PTPRD: variants seen among roughly 807,000 people sequenced by gnomAD.
The protein encoded by PTPRD is receptor-type tyrosine-protein phosphatase delta.
Under a neutral mutation model 214.5 loss-of-function variants are expected in PTPRD, and 34 were observed. The observed-to-expected ratio is 0.16, with a 90% CI of 0.12 to 0.21. PTPRD has a LOEUF of 0.21. Among genes scored for constraint, PTPRD ranks in the 10% least tolerant of loss-of-function variants. PTPRD has a pLI of 1.00. For missense variants in PTPRD, 2,545 were observed against 2,398.7 expected (o/e 1.06, Z -1.27); for synonymous variants, 1,128 against 845.7 (o/e 1.33, Z -5.79).
At chr9:10,093,423 C>A (rs1039452857) in intron 3 of PTPRD, among the ~76,000 whole-genome samples, 2 of 151,302 alleles carry the variant, frequency 1.3e-5, no homozygotes, top group African/African-American at 2.4e-5. Flanking sequence ...GTCAGAATGG[C>A]GATTCCTAAA....
chr9:9,825,382 CAGAGAGAGAGAGACAGAGAGAGAAAG>C (rs1361453569), intron 5 of PTPRD, among the ~76,000 whole-genome samples: 2 of 142,962 alleles, frequency 1.4e-5, no homozygotes, highest in South Asian at 2.3e-4. Flanking sequence ...CACAGAGAGA[CAGAGAGAGAGAGACAGAGAGAGAAAG>C]AGAGAGAGAA....
At chr9:8,750,442 G>C (rs1338972945) in intron 11 of PTPRD, among the ~76,000 whole-genome samples, 1 of 151,714 alleles carries the variant, frequency 6.6e-6, no homozygotes, top group Non-Finnish European at 1.5e-5. Context: ...ACAGGCATGA[G>C]CCACCATGCC....
chr9:9,665,712 T>A (rs1044295684), intron 7 of PTPRD, among the ~76,000 whole-genome samples: 1 of 151,824 alleles, frequency 6.6e-6, no homozygotes, highest in East Asian at 1.9e-4. Flanking sequence ...ATATCCTTTT[T>A]TCCTAGCCCA....
At chr9:9,761,921 C>T (rs2098660977) in intron 6 of PTPRD, among the ~76,000 whole-genome samples, 1 of 152,132 alleles carries the variant, frequency 6.6e-6, no homozygotes, top group Non-Finnish European at 1.5e-5. Flanking sequence ...ATATTCATTG[C>T]TTTGGGATAT....
intron 3 of PTPRD, among the ~76,000 whole-genome samples, chr9:10,338,997 A>C (rs964873744): frequency 1.3e-5 from 2 of 151,790 alleles, no homozygotes; most frequent in African/African-American, 2.4e-5. Flanking sequence ...CAACTGAGCA[A>C]GAACAAAGTA....
chr9:9,901,591 T>C (rs929819800), intron 5 of PTPRD, among the ~76,000 whole-genome samples: 2 of 152,010 alleles, frequency 1.3e-5, no homozygotes, highest in Non-Finnish European at 2.9e-5. Flanking sequence ...TTAAAATAAA[T>C]AAATTCTTAA....
intron 8 of PTPRD, among the ~76,000 whole-genome samples, chr9:9,550,501 G>A (rs930883420): frequency 2.0e-5 from 3 of 148,086 alleles, no homozygotes; most frequent in African/African-American, 4.9e-5. Flanking sequence ...GGTATGATAT[G>A]TAGGACAATA....
intron 2 of PTPRD, among the ~76,000 whole-genome samples, chr9:10,476,880 T>C (rs1021677617): frequency 1.3e-5 from 2 of 151,958 alleles, no homozygotes; most frequent in African/African-American, 2.4e-5. Flanking sequence ...CAACAAGCAA[T>C]AGGTAAAGAA....
intron 3 of PTPRD, among the ~76,000 whole-genome samples, chr9:10,078,605 T>C (rs1255111294): frequency 6.7e-6 from 1 of 149,626 alleles, no homozygotes; most frequent in Admixed American, 6.6e-5. Context: ...AATATCCCAA[T>C]CAGGGGGTGT....
Position 8,499,771 on chromosome 9 carries a change from C to T in PTPRD, c.2198G>A (p.Arg733His), listed in dbSNP as rs748340591. Residue 733 changes from arginine to histidine, a missense_variant, in exon 25 of 46, where the codon CGC (arginine) becomes CAC (histidine). Coordinates refer to ENST00000381196, the MANE Select transcript of PTPRD (RefSeq NM_002839.4). Reference protein sequence around the residue: ...VNSTSVKVSWRSPVPNKQHGQ... With the variant: ...VNSTSVKVSWHSPVPNKQHGQ... Reference sequence around the variant, plus strand: ...ATGCTGTTTATTGGGCACGGGTGAGCGCCATGAGACTTTAACAGATGTTGA... The same window carrying T: ...ATGCTGTTTATTGGGCACGGGTGAGTGCCATGAGACTTTAACAGATGTTGA... 4.3e-6 allele frequency: 7 copies of T among 1,613,984 alleles called. No individual in the cohort carries two copies. The highest frequency in any genetic ancestry group is 2.7e-5 in the African/African-American group (2 of 75,012).
intron 10 of PTPRD, among the ~76,000 whole-genome samples, chr9:9,043,619 C>G (rs1016905137): frequency 2.0e-5 from 3 of 152,002 alleles, no homozygotes; most frequent in South Asian, 2.1e-4. Context: ...AGTAGAAAAA[C>G]TAGGCTGGGC....
In PTPRD at chr9:10,155,589, A is replaced by T. The variant is rs564052071; in HGVS notation, c.-544-121799T>A. Among the ~76,000 whole-genome samples, 248 of 152,304 alleles carry T rather than the reference A, an allele frequency of 1.6e-3. 1 individual carries two copies. Among genetic ancestry groups the T allele is most frequent in the African/African-American group, 4.5e-3 (189 of 41,590 alleles). On this transcript the variant is annotated intron_variant, in intron 3 of 45. Transcript: ENST00000381196. ...GTACAACGTTGGCTGTGTGTTTGTC[A>T]TAAACGACTTATTATTTTGAGGTAT...
Position 8,994,668 on chromosome 9 carries a change from G to A in PTPRD, c.-104+24029C>T, listed in dbSNP as rs576914217. Among the ~76,000 whole-genome samples, 143 of 151,938 alleles carry A rather than the reference G, an allele frequency of 9.4e-4. 2 individuals carry two copies. The highest frequency in any genetic ancestry group is 1.8e-3 in the Non-Finnish European group (122 of 67,932). On this transcript the variant is annotated intron_variant, in intron 11 of 45. Transcript: ENST00000381196. ...AATTACAATTACGGTTGGAGGGGGG[G>A]TGTTGTTTGTTTTTGTAATGAGTGA... is the stretch of plus-strand genomic sequence containing the variant.
chr9:8,775,043 A>C (rs909660844), intron 11 of PTPRD, among the ~76,000 whole-genome samples: 25 of 152,146 alleles, frequency 1.6e-4, no homozygotes, highest in Non-Finnish European at 1.0e-4. Flanking sequence ...ATAATAACCC[A>C]CAAGTCTCCA....
intron 2 of PTPRD, among the ~76,000 whole-genome samples, chr9:10,608,136 T>C (rs1021693356): frequency 9.9e-5 from 15 of 152,034 alleles, no homozygotes; most frequent in Non-Finnish European, 1.6e-4. Flanking sequence ...GAATAATATA[T>C]ATTTATTTAA....
At chr9:9,208,739 A>G in intron 9 of PTPRD, among the ~76,000 whole-genome samples, 1 of 152,184 alleles carries the variant, frequency 6.6e-6, no homozygotes, top group East Asian at 1.9e-4. Flanking sequence ...TAATGAATTA[A>G]TGAATCTAAA....
chr9:9,826,342 T>C, intron 5 of PTPRD, among the ~76,000 whole-genome samples: 1 of 151,880 alleles, frequency 6.6e-6, no homozygotes, highest in East Asian at 1.9e-4. Flanking sequence ...GATTTTCTAA[T>C]ACTGATTAAT....
intron 9 of PTPRD, among the ~76,000 whole-genome samples, chr9:9,372,238 G>A (rs1417444342): frequency 1.3e-5 from 2 of 152,108 alleles, no homozygotes; most frequent in East Asian, 3.9e-4. Flanking sequence ...TTATTATTGT[G>A]TGGGAGTCTA....
At chr9:8,431,580 A>G (rs1452854384) in intron 35 of PTPRD, among the ~76,000 whole-genome samples, 1 of 152,132 alleles carries the variant, frequency 6.6e-6, no homozygotes, top group African/African-American at 2.4e-5. Flanking sequence ...TTTTAAATAT[A>G]CTAGTCTATA....
Sources: gnomAD v4.1 joint callset for allele counts (sites outside exome capture counted in the v4.1 genomes callset) on GRCh38, gnomAD v4.1.1 for gene constraint, MANE v1.5 for transcripts, NCBI Gene and HGNC (gene_info 2026-07-23, HGNC 2026-07-21) for gene names.